Variants in PAQR5 observed in about 807,000 individuals in gnomAD.
PAQR5 encodes the protein progestin and adipoQ receptor family member 5, also known as membrane progestin receptor gamma.
PAQR5 carries 20 observed loss-of-function variants against 34.5 expected under a neutral mutation model. That is an observed-to-expected ratio of 0.58 (90% CI 0.41 to 0.84). The LOEUF (loss-of-function observed/expected upper bound fraction) is 0.84, where lower values mean the gene tolerates loss of function less well. PAQR5 is among the 40% of genes least tolerant of loss of function. The pLI is 0.00. For missense variants in PAQR5, 378 were observed against 412.7 expected, an observed-to-expected ratio of 0.92 and a Z score of 0.73; for synonymous variants, 131 against 155.6, an observed-to-expected ratio of 0.84 and a Z score of 1.18.
At chr15:69,351,661 A>G (rs2054923403) in intron 2 of PAQR5, among the ~76,000 whole-genome samples, 1 of 152,176 alleles carries the variant, frequency 6.6e-6, no homozygotes, top group South Asian at 2.1e-4. Context: ...CTGGCCCATT[A>G]CATTGATGGT....
At position 69,384,686 on chromosome 15, in the gene PAQR5, A is replaced by G. The variant is rs772702473; in HGVS notation, c.189A>G (p.Ala63=). ...GCCCTCTGTGTTCCAGGTTCTTTGC[A>G]TGGAGGTTTGTGACTGCACTGTATA... ...WTHLLPFWFF[A]WRFVTALYMT... is the part of the protein sequence containing the mutation. The change falls in exon 5 of 9, where the codon GCA becomes GCG. Residue 63 remains alanine (A), a synonymous_variant. Transcript: ENST00000395407. 36 of 1,613,324 alleles carry G rather than the reference A, an allele frequency of 2.2e-5. 1 individual carries two copies. In the East Asian group the frequency reaches 7.8e-4, roughly 35 times the overall value.
chr15:69,362,785 G>A (rs940861320), intron 3 of PAQR5, among the ~76,000 whole-genome samples: 1 of 152,120 alleles, frequency 6.6e-6, no homozygotes, highest in African/African-American at 2.4e-5. Flanking sequence ...GAGCATGCTG[G>A]CAGGAGACTT....
At chr15:69,300,469 C>T (rs2053508531) in intron 1 of PAQR5, among the ~76,000 whole-genome samples, 1 of 152,090 alleles carries the variant, frequency 6.6e-6, no homozygotes, top group South Asian at 2.1e-4. Context: ...GAAAGGTGTC[C>T]AGCCCCACCA....
At chr15:69,300,599 TTC>T (rs2053519287) in intron 1 of PAQR5, among the ~76,000 whole-genome samples, 1 of 23,576 alleles carries the variant, frequency 4.2e-5, no homozygotes, top group South Asian at 1.7e-3. Flanking sequence ...CCTTCTTTCT[TTC>T]TTTCTTTCTT....
At chr15:69,304,591 C>T (rs2053674226) in intron 1 of PAQR5, among the ~76,000 whole-genome samples, 1 of 152,204 alleles carries the variant, frequency 6.6e-6, no homozygotes, top group South Asian at 2.1e-4. Context: ...CATGCCCTGT[C>T]CTCCGATCCA....
intron 7 of PAQR5, among the ~76,000 whole-genome samples, chr15:69,398,498 A>G (rs1463601269): frequency 6.6e-6 from 1 of 152,190 alleles, no homozygotes; most frequent in African/African-American, 2.4e-5. Context: ...GTGCCTGTCC[A>G]GTACCCGGTG....
intron 2 of PAQR5, among the ~76,000 whole-genome samples, chr15:69,347,671 C>G (rs903526987): frequency 6.6e-6 from 1 of 152,126 alleles, no homozygotes; most frequent in Non-Finnish European, 1.5e-5. Flanking sequence ...GCGAGTGACT[C>G]ATAGACAACA....
intron 1 of PAQR5, among the ~76,000 whole-genome samples, chr15:69,314,108 C>T (rs962582779): frequency 2.6e-5 from 4 of 152,050 alleles, no homozygotes; most frequent in Non-Finnish European, 4.4e-5. Context: ...GGAGGGCTTC[C>T]GTTTCTGAAA....
At chr15:69,389,526 A>G in intron 5 of PAQR5, 128 bp from the exon 6 acceptor site, 1 of 1,176,980 alleles carries the variant, frequency 8.5e-7, no homozygotes, top group Non-Finnish European at 1.2e-6. Flanking sequence ...GAATGGCACC[A>G]GCGAGGGCGC....
intron 1 of PAQR5, among the ~76,000 whole-genome samples, chr15:69,307,306 T>A (rs2053740472): frequency 6.6e-6 from 1 of 152,222 alleles, no homozygotes; most frequent in Admixed American, 6.5e-5. Context: ...GTGTCCCTGC[T>A]CTCACTTCCT....
At chr15:69,362,558 C>T (rs532081708) in intron 3 of PAQR5, among the ~76,000 whole-genome samples, 4 of 152,258 alleles carry the variant, frequency 2.6e-5, no homozygotes, top group African/African-American at 9.6e-5. Flanking sequence ...CTGTGGGTTC[C>T]AATACTTGGT....
At chr15:69,300,567 CTT>C (rs769035354) in intron 1 of PAQR5, among the ~76,000 whole-genome samples, 6 of 148,830 alleles carry the variant, frequency 4.0e-5, no homozygotes, top group East Asian at 4.0e-4. Context: ...GCTTTTCTTT[CTT>C]TCTCTTTCTT....
chr15:69,321,021 A>G (rs770476494), intron 1 of PAQR5, among the ~76,000 whole-genome samples: 5 of 152,148 alleles, frequency 3.3e-5, no homozygotes, highest in East Asian at 1.9e-4. Context: ...AGGAGCCACA[A>G]TTTTTGTTTC....
At chr15:69,335,305 G>A (rs1218301352) in intron 1 of PAQR5, among the ~76,000 whole-genome samples, 1 of 149,220 alleles carries the variant, frequency 6.7e-6, no homozygotes, top group African/African-American at 2.5e-5. Flanking sequence ...GAGTGCAATG[G>A]CATGATCTCG....
Position 69,313,711 on chromosome 15 carries a change from A to G in PAQR5, c.-277+14655A>G, listed in dbSNP as rs374162113. On this transcript the variant is annotated intron_variant, in intron 1 of 8. Coordinates refer to ENST00000395407, the MANE Select transcript of PAQR5 (RefSeq NM_017705.4). ...TACAGAGCCAGGTGTTCCCGAGAGGAGGTTGAGTGTCAGCCCTTCAGGGTG... is the reference window on the plus strand; with the variant it reads ...TACAGAGCCAGGTGTTCCCGAGAGGGGGTTGAGTGTCAGCCCTTCAGGGTG... Among the ~76,000 whole-genome samples the G allele has an allele frequency of 4.0e-5, 6 of 151,894 alleles. No individual in the cohort carries two copies. In the East Asian group the frequency reaches 9.7e-4, roughly 25 times the overall value.
At chr15:69,375,153 C>T (rs561023009) in intron 3 of PAQR5, among the ~76,000 whole-genome samples, 10 of 152,262 alleles carry the variant, frequency 6.6e-5, no homozygotes, top group East Asian at 5.8e-4. Context: ...CTCGCAGTTC[C>T]GGAGACTGAA....
intron 1 of PAQR5, among the ~76,000 whole-genome samples, chr15:69,326,699 A>G (rs1298330803): frequency 2.0e-5 from 3 of 152,092 alleles, no homozygotes; most frequent in African/African-American, 7.2e-5. Flanking sequence ...GGCCTCCCAA[A>G]GTGCTGGGAT....
rs1161627378 is a variant in PAQR5 at position 69,373,133 on chromosome 15, C to T, written c.52-6750C>T. The stretch of plus-strand genomic sequence containing the variant: ...TCCATAGTCACTTTTTCCTCTGAGT[C>T]TCTTCTTCTGCCTCCATCTTCCATT... On this transcript the variant is annotated intron_variant, in intron 3 of 8. Coordinates refer to ENST00000395407, the MANE Select transcript of PAQR5 (RefSeq NM_017705.4). Among the ~76,000 whole-genome samples the T allele has an allele frequency of 2.0e-5, 3 of 152,114 alleles. No individual in the cohort carries two copies. The South Asian group carries it at 6.2e-4, about 32-fold the overall frequency.
chr15:69,325,138 A>T (rs914604579), intron 1 of PAQR5, among the ~76,000 whole-genome samples: 3 of 152,130 alleles, frequency 2.0e-5, no homozygotes, highest in African/African-American at 7.2e-5. Flanking sequence ...ACCTCAGGTG[A>T]TCCACCCAGC....
Sources: gnomAD v4.1 joint callset for allele counts (sites outside exome capture counted in the v4.1 genomes callset) on GRCh38, gnomAD v4.1.1 for gene constraint, MANE v1.5 for transcripts, NCBI Gene and HGNC (gene_info 2026-07-23, HGNC 2026-07-21) for gene names.